Variants in FCHSD2 observed in about 807,000 individuals in gnomAD.
FCHSD2 encodes F-BAR and double SH3 domains protein 2.
In FCHSD2, 38 loss-of-function variants were observed where a neutral mutation model predicts 108.1. The observed-to-expected ratio is 0.35, with a 90% CI of 0.27 to 0.46. FCHSD2 has a LOEUF of 0.46. Among genes scored for constraint, FCHSD2 ranks in the 20% least tolerant of loss-of-function variants. The pLI is 1.00. For missense variants in FCHSD2, 751 were observed against 897.8 expected (o/e 0.84, Z 2.09); for synonymous variants, 279 against 314.7 (o/e 0.89, Z 1.20).
intron 2 of FCHSD2, among the ~76,000 whole-genome samples, chr11:73,084,885 G>A (rs1859778827): frequency 6.6e-6 from 1 of 151,016 alleles, no homozygotes; most frequent in Admixed American, 6.6e-5. Context: ...AGACTTTACC[G>A]TTATGTGCCA....
intron 3 of FCHSD2, among the ~76,000 whole-genome samples, chr11:73,060,097 A>G (rs916766643): frequency 6.6e-6 from 1 of 152,216 alleles, no homozygotes; most frequent in Admixed American, 6.5e-5. Flanking sequence ...ACACCTCTAG[A>G]AGCCTAGCCT....
intron 3 of FCHSD2, among the ~76,000 whole-genome samples, chr11:73,052,817 C>CGTAG (rs1858932256): frequency 6.6e-6 from 1 of 152,088 alleles, no homozygotes; most frequent in Admixed American, 6.6e-5. Flanking sequence ...AGATCAGTTT[C>CGTAG]TACAGATATT....
At chr11:72,843,994 C>T (rs1194794794) in intron 14 of FCHSD2, among the ~76,000 whole-genome samples, 4 of 151,954 alleles carry the variant, frequency 2.6e-5, no homozygotes, top group South Asian at 2.1e-4. Context: ...GGCAACAGAG[C>T]GAGACCCTGT....
intron 5 of FCHSD2, among the ~76,000 whole-genome samples, chr11:72,995,708 C>CA (rs760202806): frequency 0.028 from 1,740 of 62,962 alleles, 15 homozygotes; most frequent in African/African-American, 0.054. Flanking sequence ...AATTCTGTCT[C>CA]AAAAAAAAAA....
chr11:72,888,663 G>C (rs1855248850), intron 11 of FCHSD2, among the ~76,000 whole-genome samples: 1 of 150,206 alleles, frequency 6.7e-6, no homozygotes, highest in Non-Finnish European at 1.5e-5. Flanking sequence ...CTGTCACCCA[G>C]TCTGGAGTTC....
intron 3 of FCHSD2, among the ~76,000 whole-genome samples, chr11:73,061,989 C>T (rs879348130): frequency 2.0e-5 from 3 of 152,256 alleles, no homozygotes; most frequent in Admixed American, 1.3e-4. Context: ...TCAAGTGGGT[C>T]CCTGACCCCT....
At chr11:73,018,232 T>G (rs992313561) in intron 3 of FCHSD2, among the ~76,000 whole-genome samples, 11 of 152,192 alleles carry the variant, frequency 7.2e-5, no homozygotes, top group Admixed American at 7.2e-4. Flanking sequence ...GCTGTTATTG[T>G]TGTTTTACAG....
At chr11:72,895,599 C>T (rs1855401512) in intron 10 of FCHSD2, among the ~76,000 whole-genome samples, 1 of 152,110 alleles carries the variant, frequency 6.6e-6, no homozygotes, top group Admixed American at 6.5e-5. Flanking sequence ...TCTAGTTACT[C>T]TGGATGGTTA....
rs149310362 is a variant in FCHSD2, at chr11:72,894,875, G to T, written c.925-4930C>A. Among the ~76,000 whole-genome samples the T allele has an allele frequency of 6.7e-3, 1,013 of 152,082 alleles. 9 individuals are homozygous for T. The highest frequency in any genetic ancestry group is 0.02 in the African/African-American group (828 of 41,476). On this transcript the variant is annotated intron_variant, in intron 10 of 19. Coordinates refer to ENST00000409418, the MANE Select transcript of FCHSD2 (RefSeq NM_014824.3). ...TTTCACTGCAAAAATACTATGTTTG[G>T]TCACAGGTGCTTCCCCATACATTGC...
rs150608202 is a variant in FCHSD2, at chr11:73,062,756, C to T, written c.165+20939G>A. ...ATTACAGAAAAAAGAATAAAAAGGA[C>T]GAACAAAGCTTCCAAGAAATATGAG... is the stretch of plus-strand genomic sequence containing the variant. On this transcript the variant is annotated intron_variant, in intron 3 of 19. Coordinates refer to ENST00000409418, the MANE Select transcript of FCHSD2 (RefSeq NM_014824.3). Among the ~76,000 whole-genome samples the T allele has an allele frequency of 4.5e-3, 687 of 152,076 alleles. 4 individuals carry two copies. The highest frequency in any genetic ancestry group is 0.016 in the African/African-American group (648 of 41,480).
At chr11:73,105,650 CAT>C (rs1421895956) in intron 2 of FCHSD2, among the ~76,000 whole-genome samples, 1 of 152,056 alleles carries the variant, frequency 6.6e-6, no homozygotes, top group Non-Finnish European at 1.5e-5. Context: ...CTTTGAAAAA[CAT>C]AAAGAACTCA....
Position 72,988,849 on chromosome 11 carries a change from T to C in FCHSD2, c.521+115A>G, listed in dbSNP as rs536937294. 41 of 793,660 alleles carry C rather than the reference T, an allele frequency of 5.2e-5. No homozygotes were observed. In the East Asian group the frequency reaches 1.1e-3, roughly 21 times the overall value. The allele number at this position is 793,660 out of a possible 1,614,324, so 49.2% of individuals were successfully genotyped here. A position where few individuals can be genotyped will look rare whatever the true frequency, so the allele number is the denominator to read the frequency against. ...AAGTATATAACACATGTAGGTCAAA[T>C]GAAACCACCACTACCTGAGAATGGG... On this transcript the variant is annotated intron_variant, in intron 6 of 19. Coordinates refer to ENST00000409418, the MANE Select transcript of FCHSD2 (RefSeq NM_014824.3).
At chr11:73,007,457 C>CA (rs998140808) in intron 4 of FCHSD2, among the ~76,000 whole-genome samples, 1 of 151,846 alleles carries the variant, frequency 6.6e-6, no homozygotes, top group Non-Finnish European at 1.5e-5. Flanking sequence ...CTCATCTCTA[C>CA]AAAAAAAATT....
intron 9 of FCHSD2, among the ~76,000 whole-genome samples, chr11:72,906,858 G>A (rs1177196960): frequency 1.3e-5 from 2 of 152,168 alleles, no homozygotes; most frequent in African/African-American, 2.4e-5. Flanking sequence ...CAGGTAGCAC[G>A]ATGTCTCCAG....
chr11:72,994,495 T>A (rs1857484406), intron 5 of FCHSD2, among the ~76,000 whole-genome samples: 1 of 152,112 alleles, frequency 6.6e-6, no homozygotes, highest in Non-Finnish European at 1.5e-5. Context: ...ACGGCAAGGA[T>A]GTGATGATAC....
intron 12 of FCHSD2, among the ~76,000 whole-genome samples, chr11:72,872,276 T>C (rs1854876909): frequency 9.0e-6 from 1 of 111,376 alleles, no homozygotes; most frequent in African/African-American, 3.5e-5. Flanking sequence ...CACAACTTTT[T>C]TTTTCTTTTC....
chr11:73,125,173 G>A lies in FCHSD2; in HGVS notation c.119+14858C>T, dbSNP rs115942451. 2.4e-3 allele frequency among the ~76,000 whole-genome samples: 368 copies of A among 152,320 alleles called. 2 individuals carry two copies. Among genetic ancestry groups the A allele is most frequent in the African/African-American group, 8.4e-3 (351 of 41,590 alleles). ...AGCTGAAAGAAAATGATAACAGATG[G>A]AAACTCAAACCTGTATGTTGGTTTC... On this transcript the variant is annotated intron_variant, in intron 2 of 19. Coordinates refer to ENST00000409418, the MANE Select transcript of FCHSD2 (RefSeq NM_014824.3).
At chr11:72,964,498 A>T (rs1288252330) in intron 8 of FCHSD2, among the ~76,000 whole-genome samples, 1 of 152,152 alleles carries the variant, frequency 6.6e-6, no homozygotes, top group East Asian at 1.9e-4. Flanking sequence ...CTAACAGTAC[A>T]CATCTGCCTT....
At chr11:72,967,078 T>C (rs1044058632) in intron 8 of FCHSD2, among the ~76,000 whole-genome samples, 8 of 151,678 alleles carry the variant, frequency 5.3e-5, no homozygotes, top group Admixed American at 1.3e-4. Context: ...CGGGCACCTG[T>C]GGTCCCAGCT....
Sources: allele counts gnomAD v4.1 joint callset (sites outside exome capture counted in the v4.1 genomes callset), GRCh38; gene constraint gnomAD v4.1.1; transcripts MANE v1.5; gene names NCBI Gene and HGNC (gene_info 2026-07-23, HGNC 2026-07-21).